Variants in IQUB observed in about 807,000 individuals in gnomAD.
IQUB encodes the protein IQ motif and ubiquitin domain containing.
IQUB carries 86 observed loss-of-function variants against 86.4 expected under a neutral mutation model. The observed-to-expected ratio is 1.00, with a 90% confidence interval of 0.84 to 1.19. The LOEUF is 1.19. Ranked by LOEUF, IQUB falls within the 50% of genes most tolerant of loss-of-function variation. IQUB has a pLI of 0.00. For missense variants in IQUB, 946 were observed against 916.9 expected, an observed-to-expected ratio of 1.03 and a Z score of -0.41; for synonymous variants, 289 against 304.5, an observed-to-expected ratio of 0.95 and a Z score of 0.53.
intron 1 of IQUB, among the ~76,000 whole-genome samples, chr7:123,534,002 C>G (rs1446287655): frequency 1.3e-5 from 2 of 152,174 alleles, no homozygotes; most frequent in African/African-American, 4.8e-5. Flanking sequence ...AGGCAGGGAT[C>G]CAGTATTGCC....
intron 7 of IQUB, 29 bp from the exon 8 acceptor site, chr7:123,479,999 G>A: frequency 1.3e-6 from 2 of 1,546,460 alleles, no homozygotes; most frequent in East Asian, 2.3e-5. Context: ...AGACTCTTGA[G>A]TTTTTAAAAA....
chr7:123,504,412 G>A lies in IQUB; in HGVS notation c.533-1049C>T, dbSNP rs184184178. 5.0e-4 allele frequency among the ~76,000 whole-genome samples: 76 copies of A among 152,106 alleles called. 1 individual carries two copies. Among genetic ancestry groups the A allele is most frequent in the African/African-American group, 1.8e-3 (75 of 41,500 alleles). On this transcript the variant is annotated intron_variant, in intron 3 of 12. Coordinates refer to ENST00000324698, the MANE Select transcript of IQUB (RefSeq NM_178827.5). ...TTGCAGTGAGCCAAGATCACACCCTGAACTCAAGCCTGAACGACGGAGCAA... is the reference window on the plus strand; with the variant it reads ...TTGCAGTGAGCCAAGATCACACCCTAAACTCAAGCCTGAACGACGGAGCAA...
At chr7:123,499,362 A>T (rs1178663267) in intron 6 of IQUB, among the ~76,000 whole-genome samples, 1 of 152,142 alleles carries the variant, frequency 6.6e-6, no homozygotes, top group Non-Finnish European at 1.5e-5. Context: ...TGCCCACTTC[A>T]GCCTCCCAAA....
chr7:123,522,261 G>T (rs139690936), intron 1 of IQUB, among the ~76,000 whole-genome samples: 2 of 152,306 alleles, frequency 1.3e-5, no homozygotes, highest in African/African-American at 4.8e-5. Context: ...TTCCCCTGTT[G>T]GACTGGGTGG....
intron 1 of IQUB, among the ~76,000 whole-genome samples, chr7:123,532,129 T>G (rs186747011): frequency 6.6e-6 from 1 of 152,224 alleles, no homozygotes; most frequent in Admixed American, 6.5e-5. Context: ...GAGGCAGGAT[T>G]TGAACCCAGG....
rs566173975 is a variant in IQUB at position 123,517,423 on chromosome 7, C to T, written c.-4-5079G>A. Among the ~76,000 whole-genome samples the T allele has an allele frequency of 8.9e-3, 1,274 of 143,004 alleles. 18 individuals carry two copies. The highest frequency in any genetic ancestry group is 0.031 in the African/African-American group (1,186 of 38,798). The allele number at this position is 143,004 out of a possible 152,430, so 93.8% of individuals were successfully genotyped here. A position where few individuals can be genotyped will look rare whatever the true frequency, so the allele number is the denominator to read the frequency against. ...GCAGGCGCCTGTAGTCCCAGCTACT[C>T]GGGAGGCTGAGGCAAGAGAATGGCG... On this transcript the variant is annotated intron_variant, in intron 1 of 12. Coordinates refer to ENST00000324698, the MANE Select transcript of IQUB (RefSeq NM_178827.5).
At chr7:123,478,107 T>C (rs1794826968) in intron 8 of IQUB, among the ~76,000 whole-genome samples, 1 of 152,168 alleles carries the variant, frequency 6.6e-6, no homozygotes, top group South Asian at 2.1e-4. Flanking sequence ...CTCAAAGGAT[T>C]ATAAACCATG....
Position 123,503,206 on chromosome 7 carries a change from T to C in IQUB, c.690A>G (p.Gln230=), listed in dbSNP as rs200860320. The C allele has an allele frequency of 3.8e-5, 61 of 1,611,194 alleles. No individual in the cohort carries two copies. Among genetic ancestry groups the C allele is most frequent in the African/African-American group, 2.7e-5 (2 of 74,788 alleles). Residue 230 remains glutamine, a synonymous_variant, in exon 4 of 13, where the codon CAA becomes CAG. Transcript: ENST00000324698. The part of the protein sequence containing the change: ...DVSQIITVTV[Q]TGLDQYQQVP... Reference sequence around the variant, plus strand: ...AAAAGACATCAAATAACGAACCAGTTTGGACAGTGACAGTTATGATTTGAG... The same window carrying C: ...AAAAGACATCAAATAACGAACCAGTCTGGACAGTGACAGTTATGATTTGAG...
chr7:123,477,098 C>T (rs1314997905), intron 8 of IQUB, among the ~76,000 whole-genome samples: 1 of 152,104 alleles, frequency 6.6e-6, no homozygotes, highest in African/African-American at 2.4e-5. Context: ...CTTTAAAGTT[C>T]ATGTGGAAGC....
intron 3 of IQUB, 92 bp downstream of exon 3, chr7:123,509,809 C>A: frequency 9.2e-7 from 1 of 1,085,852 alleles, no homozygotes; most frequent in Non-Finnish European, 1.4e-6. Flanking sequence ...CAATTAGTAC[C>A]AAGATATTTA....
At chr7:123,484,168 T>C (rs1795120599) in intron 7 of IQUB, among the ~76,000 whole-genome samples, 1 of 152,056 alleles carries the variant, frequency 6.6e-6, no homozygotes. Context: ...ATTCAGAAAC[T>C]GTACAGCATG....
chr7:123,506,105 G>A (rs532625698), intron 3 of IQUB, among the ~76,000 whole-genome samples: 1 of 152,314 alleles, frequency 6.6e-6, no homozygotes, highest in Admixed American at 6.5e-5. Context: ...CTTTGCTAAA[G>A]CATAGCACGT....
chr7:123,453,263 A>AATATATATATATATATAT (rs72054596), intron 12 of IQUB, among the ~76,000 whole-genome samples: 2 of 138,232 alleles, frequency 1.4e-5, no homozygotes, highest in Non-Finnish European at 3.1e-5. Context: ...ATCTAGTTAG[A>AATATATATATATATATAT]ATATATATAT....
At chr7:123,505,934 C>A (rs946750670) in intron 3 of IQUB, among the ~76,000 whole-genome samples, 1 of 152,200 alleles carries the variant, frequency 6.6e-6, no homozygotes, top group African/African-American at 2.4e-5. Flanking sequence ...TTCAGATCAT[C>A]TCCTTGCTCA....
rs901110940 is a variant in IQUB at position 123,533,301 on chromosome 7, T to C, written c.-5+1191A>G. Among the ~76,000 whole-genome samples the C allele has an allele frequency of 3.3e-4, 51 of 152,314 alleles. 1 individual carries two copies. Among genetic ancestry groups the C allele is most frequent in the South Asian group, 2.1e-4 (1 of 4,830 alleles). Reference sequence around the variant, plus strand: ...AGTTCCCAGAATTAGAATGGACAAGTCAAAGGGCATACAGATCTTAATTTT... The same window carrying C: ...AGTTCCCAGAATTAGAATGGACAAGCCAAAGGGCATACAGATCTTAATTTT... On this transcript the variant is annotated intron_variant, in intron 1 of 12. Transcript: ENST00000324698.
intron 8 of IQUB, among the ~76,000 whole-genome samples, chr7:123,473,742 ATT>A (rs58043575): frequency 5.7e-5 from 8 of 139,328 alleles, no homozygotes; most frequent in Admixed American, 7.2e-5. Flanking sequence ...TGCCCGGCTA[ATT>A]TTTTTTTTTT....
At chr7:123,528,943 T>G (rs970497981) in intron 1 of IQUB, among the ~76,000 whole-genome samples, 5 of 152,218 alleles carry the variant, frequency 3.3e-5, no homozygotes, top group Non-Finnish European at 5.9e-5. Flanking sequence ...CAGCAAATAT[T>G]AAATGTAAAT....
rs1046990067 is a variant in IQUB, at chr7:123,503,410, G to C, written c.533-47C>G. The C allele has an allele frequency of 5.2e-6, 5 of 964,668 alleles. No homozygotes were observed. The African/African-American group carries it at 6.6e-5, about 13-fold the overall frequency. The allele number at this position is 964,668 out of a possible 1,614,324, so 59.8% of individuals were successfully genotyped here. Reference sequence around the variant, plus strand: ...TTAAAAGTTTTATGACAAAGAAATGGCTATTCATTGATCTTATTTTTTGTT... The same window carrying C: ...TTAAAAGTTTTATGACAAAGAAATGCCTATTCATTGATCTTATTTTTTGTT... On this transcript the variant is annotated intron_variant, in intron 3 of 12. Coordinates refer to ENST00000324698, the MANE Select transcript of IQUB (RefSeq NM_178827.5).
At position 123,499,552 on chromosome 7, in the gene IQUB, T is replaced by G. The variant is rs537739820; in HGVS notation, c.1024-2646A>C. On this transcript the variant is annotated intron_variant, in intron 6 of 12. Transcript: ENST00000324698. The stretch of plus-strand genomic sequence containing the variant: ...GGTACATCACCAAGTCTCAAGCATA[T>G]TACAATAAGATTACCAAATACCAAG... Among the ~76,000 whole-genome samples, 9 of 152,180 alleles carry G rather than the reference T, an allele frequency of 5.9e-5. No individual in the cohort carries two copies. The South Asian group carries it at 1.7e-3, about 28-fold the overall frequency.
Sources: gnomAD v4.1 joint callset for allele counts (sites outside exome capture counted in the v4.1 genomes callset) on GRCh38, gnomAD v4.1.1 for gene constraint, MANE v1.5 for transcripts, NCBI Gene and HGNC (gene_info 2026-07-23, HGNC 2026-07-21) for gene names.